Variants in CALCOCO2 observed in about 807,000 individuals in gnomAD.
The protein encoded by CALCOCO2 is calcium binding and coiled-coil domain 2.
In CALCOCO2, 42 loss-of-function variants were observed where a neutral mutation model predicts 62.5. The observed-to-expected ratio is 0.67, with a 90% CI of 0.53 to 0.87. CALCOCO2 has a LOEUF of 0.87. Ranked by LOEUF, CALCOCO2 falls within the 40% of genes least tolerant of loss-of-function variation. The pLI is 0.00. For synonymous variants in CALCOCO2, 167 were observed against 173.0 expected, an observed-to-expected ratio of 0.97 and a Z score of 0.27; for missense variants, 456 against 515.0, an observed-to-expected ratio of 0.89 and a Z score of 1.11.
Position 48,862,837 on chromosome 17 carries a change from G to C in CALCOCO2, c.1174-1G>C. ...ACTGACCTCTTTGCTCTTCCTCCCA[G>C]CTCTCCATCAAGAAATGCCCTATCT... On this transcript the variant is annotated splice_acceptor_variant, in intron 12 of 12. Transcript: ENST00000258947. LOFTEE classifies it high-confidence loss of function. 6.2e-7 allele frequency: 1 copy of C among 1,613,866 alleles called. No homozygotes were observed. The highest frequency in any genetic ancestry group is 8.5e-7 in the Non-Finnish European group (1 of 1,179,816).
intron 2 of CALCOCO2, chr17:48,843,827 G>A (rs569794060): frequency 2.6e-5 from 4 of 152,358 alleles, no homozygotes; most frequent in South Asian, 2.1e-4. Context: ...CTAGCCACAT[G>A]TGGCTGTTAA....
intron 5 of CALCOCO2, 70 bp downstream of exon 5, chr17:48,849,447 C>T (rs1239621348): frequency 1.0e-5 from 14 of 1,355,088 alleles, no homozygotes; most frequent in Non-Finnish European, 8.3e-6. Flanking sequence ...TTATCCAGCA[C>T]CATATTCTGT....
Position 48,860,383 on chromosome 17 carries a change from G to C in CALCOCO2, c.1078G>C (p.Val360Leu). 6.2e-7 allele frequency: 1 copy of C among 1,613,666 alleles called. No individual in the cohort carries two copies. The highest frequency in any genetic ancestry group is 1.1e-5 in the South Asian group (1 of 91,080). Residue 360 changes from valine (V) to leucine (L), a missense_variant, in exon 11 of 13, where the codon GTA becomes CTA. Physicochemically the swap from Val to Leu is conservative, Grantham distance 32. Around this residue, in one of 3 missense-constraint regions of CALCOCO2, gnomAD observed 172 missense variants for 210.3 expected, o/e 0.82. Coordinates refer to ENST00000258947, the MANE Select transcript of CALCOCO2 (RefSeq NM_005831.5). The part of the protein sequence containing the change: ...GLDFNSLPYQ[V>L]PTSDEGGARQ... Reference sequence around the variant, plus strand: ...GGATTTTAATTCTTTGCCGTATCAAGTACCTACTTCAGATGAAGGAGGCGC... The same window carrying C: ...GGATTTTAATTCTTTGCCGTATCAACTACCTACTTCAGATGAAGGAGGCGC...
chr17:48,852,493 ATTTTTG>A lies in CALCOCO2; in HGVS notation c.703-8_703-3del, dbSNP rs773198312. On this transcript the variant is annotated splice_polypyrimidine_tract_variant and splice_region_variant and intron_variant, in intron 7 of 12. Transcript: ENST00000258947. Reference sequence around the variant, plus strand: ...CTTTTATATCTTGGTTATGTTCACTATTTTTGTTTTAGGCCCAGCTGTCAACTCAAG... The same window carrying A: ...CTTTTATATCTTGGTTATGTTCACTATTTTAGGCCCAGCTGTCAACTCAAG... 1 of 1,609,146 alleles carries A rather than the reference ATTTTTG, an allele frequency of 6.2e-7. No homozygotes were observed. The highest frequency in any genetic ancestry group is 8.5e-7 in the Non-Finnish European group (1 of 1,177,524).
At chr17:48,857,386 G>A (rs575028369) in intron 10 of CALCOCO2, among the ~76,000 whole-genome samples, 68 of 150,690 alleles carry the variant, frequency 4.5e-4, no homozygotes, top group Non-Finnish European at 5.2e-4. Flanking sequence ...TAGTAGAGAC[G>A]GGGTTTCTCC....
intron 8 of CALCOCO2, 63 bp downstream of exon 8, chr17:48,852,691 T>C (rs1179467715): frequency 1.1e-5 from 17 of 1,494,292 alleles, no homozygotes; most frequent in Non-Finnish European, 1.5e-5. Flanking sequence ...TTGTTCTTTG[T>C]ATAAAGAACA....
At chr17:48,842,204 G>A (rs1374641505) in intron 2 of CALCOCO2, 5 of 144,138 alleles carry the variant, frequency 3.5e-5, no homozygotes, top group Non-Finnish European at 7.0e-5. Context: ...CACCTAGGCT[G>A]GAGTGCAATG....
intron 5 of CALCOCO2, among the ~76,000 whole-genome samples, chr17:48,850,334 G>A (rs1212582646): frequency 6.6e-6 from 1 of 151,832 alleles, no homozygotes; most frequent in Non-Finnish European, 1.5e-5. Flanking sequence ...GCATGCGCCT[G>A]TAATCCCGGC....
chr17:48,852,404 G>A (rs1162756680), intron 7 of CALCOCO2, 102 bp from the exon 8 acceptor site: 14 of 1,014,586 alleles, frequency 1.4e-5, no homozygotes, highest in Non-Finnish European at 1.9e-5. Flanking sequence ...GTTGGGAGTT[G>A]CTAGGGAAAC....
Position 48,854,315 on chromosome 17 carries a change from C to CAAA in CALCOCO2, c.912+1318_912+1320dup, listed in dbSNP as rs1306014209. On this transcript the variant is annotated intron_variant, in intron 9 of 12. Transcript: ENST00000258947. ...GGGGCGACAGAGCGAGACTCCGTCTCAAAAAAAAAAAAAAAAAGGTTTGAA... is the reference window on the plus strand; with the variant it reads ...GGGGCGACAGAGCGAGACTCCGTCTCAAAAAAAAAAAAAAAAAAAAGGTTTGAA... Among the ~76,000 whole-genome samples, 17 of 30,562 alleles carry CAAA rather than the reference C, an allele frequency of 5.6e-4. 1 individual carries two copies. Among genetic ancestry groups the CAAA allele is most frequent in the East Asian group, 3.1e-3 (1 of 326 alleles). The allele number at this position is 30,562 out of a possible 152,430, so 20.0% of individuals were successfully genotyped here.
At chr17:48,846,451 A>G in intron 2 of CALCOCO2, 2 of 1,437,716 alleles carry the variant, frequency 1.4e-6, no homozygotes, top group South Asian at 2.4e-5. Context: ...AGGCATTTAA[A>G]TGTTTCCAAG....
chr17:48,844,212 T>C (rs1212401715), intron 2 of CALCOCO2, among the ~76,000 whole-genome samples: 6 of 152,148 alleles, frequency 3.9e-5, no homozygotes, highest in African/African-American at 1.4e-4. Flanking sequence ...TTTTACTTAA[T>C]GTTAATTAAA....
In CALCOCO2 at chr17:48,863,079, G is replaced by A. The variant is rs753513090; in HGVS notation, c.*74G>A. 8.9e-7 allele frequency: 1 copy of A among 1,122,972 alleles called. No individual in the cohort carries two copies. The highest frequency in any genetic ancestry group is 2.4e-5 in the East Asian group (1 of 42,474). 69.6% of individuals were successfully genotyped at this position (1,122,972 alleles called of 1,614,324 possible). The stretch of plus-strand genomic sequence containing the variant: ...ATAGCTTCTACCATGAGTTATATGA[G>A]TCAAGATCCTGCCTAACCTGAAATT... On this transcript the variant is annotated 3_prime_UTR_variant, in exon 13 of 13. Coordinates refer to ENST00000258947, the MANE Select transcript of CALCOCO2 (RefSeq NM_005831.5).
intron 1 of CALCOCO2, 41 bp from the exon 2 acceptor site, chr17:48,841,657 A>G: frequency 7.3e-7 from 1 of 1,374,490 alleles, no homozygotes; most frequent in Non-Finnish European, 9.9e-7. Flanking sequence ...CATTTCAGAC[A>G]ATGCTTTCTG....
In CALCOCO2 at chr17:48,848,172, A is replaced by G. The variant is rs767270527; in HGVS notation, c.283+6A>G. ...GCAGGAAGTCCAATTCAAAGGTGAG[A>G]AAAATACTGGATCAAAGGTGTTGAA... On this transcript the variant is annotated splice_donor_region_variant and intron_variant, in intron 3 of 12. Coordinates refer to ENST00000258947, the MANE Select transcript of CALCOCO2 (RefSeq NM_005831.5). The G allele has an allele frequency of 1.0e-5, 16 of 1,595,566 alleles. No individual in the cohort carries two copies. The highest frequency in any genetic ancestry group is 1.4e-5 in the Non-Finnish European group (16 of 1,163,116).
chr17:48,842,654 T>TG (rs1026470842), intron 2 of CALCOCO2: 1 of 151,936 alleles, frequency 6.6e-6, no homozygotes, highest in African/African-American at 2.4e-5. Context: ...TTCTTTTTTT[T>TG]TTTTTCTTTG....
Position 48,839,670 on chromosome 17 carries a change from C to CTTTTTTTTT in CALCOCO2, c.-10-2012_-10-2004dup, listed in dbSNP as rs766846336. Reference sequence around the variant, plus strand: ...GGCCTTTTTTCTTTGCTTTGCTTTGCTTTTTTTTTTTTTTTTTTTTTTTTA... The same window carrying CTTTTTTTTT: ...GGCCTTTTTTCTTTGCTTTGCTTTGCTTTTTTTTTTTTTTTTTTTTTTTTTTTTTTTTTA... On this transcript the variant is annotated intron_variant, in intron 1 of 12. Coordinates refer to ENST00000258947, the MANE Select transcript of CALCOCO2 (RefSeq NM_005831.5). 7.0e-4 allele frequency among the ~76,000 whole-genome samples: 46 copies of CTTTTTTTTT among 66,170 alleles called. 1 individual carries two copies. The Middle Eastern group carries it at 0.068, about 98-fold the overall frequency. 43.4% of individuals were successfully genotyped at this position (66,170 alleles called of 152,430 possible). A position where few individuals can be genotyped will look rare whatever the true frequency, so the allele number is the denominator to read the frequency against.
chr17:48,854,334 G>T (rs2040175620), intron 9 of CALCOCO2, among the ~76,000 whole-genome samples: 1 of 102,998 alleles, frequency 9.7e-6, no homozygotes, highest in Non-Finnish European at 1.9e-5. Context: ...AAAAAAAAAG[G>T]TTTGAACCTC....
Position 48,863,071 on chromosome 17 carries a change from TTA to T in CALCOCO2, c.*70_*71del. 1 of 1,198,014 alleles carries T rather than the reference TTA, an allele frequency of 8.3e-7. No individual in the cohort carries two copies. The highest frequency in any genetic ancestry group is 1.2e-5 in the South Asian group (1 of 81,842). The allele number at this position is 1,198,014 out of a possible 1,614,324, so 74.2% of individuals were successfully genotyped here. A position where few individuals can be genotyped will look rare whatever the true frequency, so the allele number is the denominator to read the frequency against. On this transcript the variant is annotated 3_prime_UTR_variant, in exon 13 of 13. Coordinates refer to ENST00000258947, the MANE Select transcript of CALCOCO2 (RefSeq NM_005831.5). Reference sequence around the variant, plus strand: ...TAGAACCTATAGCTTCTACCATGAGTTATATGAGTCAAGATCCTGCCTAACCT... The same window carrying T: ...TAGAACCTATAGCTTCTACCATGAGTTATGAGTCAAGATCCTGCCTAACCT...
Sources: allele counts gnomAD v4.1 joint callset (sites outside exome capture counted in the v4.1 genomes callset), GRCh38; gene constraint gnomAD v4.1.1; regional missense constraint gnomAD v4.1.1; transcripts MANE v1.5; gene names NCBI Gene and HGNC (gene_info 2026-07-23, HGNC 2026-07-21).